The following XKR6 variants were observed in gnomAD, a reference collection of about 807,000 sequenced individuals.
XKR6 encodes the protein XK-related protein 6.
Under a neutral mutation model 56.7 loss-of-function variants are expected in XKR6, and 22 were observed. That is an observed-to-expected ratio of 0.39 (90% confidence interval 0.28 to 0.55). The LOEUF (loss-of-function observed/expected upper bound fraction) is 0.55, where lower values mean the gene tolerates loss of function less well. Among genes scored for constraint, XKR6 ranks in the 20% least tolerant of loss-of-function variants. The pLI, the probability that XKR6 is intolerant of heterozygous loss-of-function variation, is 0.66. For synonymous variants in XKR6, 524 were observed against 387.8 expected (o/e 1.35, Z -4.13); for missense variants, 852 against 889.0 (o/e 0.96, Z 0.53).
At chr8:11,170,682 G>GTAAATTTTGTAGTAC in intron 1 of XKR6, among the ~76,000 whole-genome samples, 1 of 152,272 alleles carries the variant, frequency 6.6e-6, no homozygotes, top group Admixed American at 6.5e-5. Context: ...ATCTAAGTGG[G>GTAAATTTTGTAGTAC]TAAATTTTGT....
chr8:11,191,382 T>C (rs1458978275), intron 1 of XKR6, among the ~76,000 whole-genome samples: 1 of 152,170 alleles, frequency 6.6e-6, no homozygotes, highest in African/African-American at 2.4e-5. Context: ...ACCCCACAAG[T>C]TACCTACCGA....
At chr8:11,105,890 T>C (rs922876037) in intron 1 of XKR6, 1 of 152,214 alleles carries the variant, frequency 6.6e-6, no homozygotes, top group Non-Finnish European at 1.5e-5. Flanking sequence ...CGAATACTTA[T>C]ACATTACATG....
intron 2 of XKR6, among the ~76,000 whole-genome samples, chr8:10,910,336 C>A (rs896872851): frequency 6.6e-6 from 1 of 152,096 alleles, no homozygotes; most frequent in Non-Finnish European, 1.5e-5. Context: ...AGATTTAGAT[C>A]TTCCAAAGAA....
At chr8:10,927,303 T>G (rs1418451505) in intron 1 of XKR6, among the ~76,000 whole-genome samples, 2 of 152,126 alleles carry the variant, frequency 1.3e-5, no homozygotes, top group African/African-American at 4.8e-5. Flanking sequence ...GAGAGCTGTG[T>G]GCTGAGTGGA....
chr8:11,123,626 G>C, intron 1 of XKR6: 3 of 327,668 alleles, frequency 9.2e-6, no homozygotes, highest in South Asian at 7.7e-5. Context: ...CAGAGTTTAA[G>C]ATACTTGGCT....
intron 2 of XKR6, among the ~76,000 whole-genome samples, chr8:10,901,726 G>A (rs894258694): frequency 2.0e-5 from 3 of 152,286 alleles, no homozygotes; most frequent in Non-Finnish European, 2.9e-5. Flanking sequence ...TCAGAAAAGC[G>A]TGAGTGCTGA....
At chr8:11,099,683 C>G (rs1798393950) in intron 1 of XKR6, among the ~76,000 whole-genome samples, 1 of 152,246 alleles carries the variant, frequency 6.6e-6, no homozygotes, top group South Asian at 2.1e-4. Flanking sequence ...TATTGAATTT[C>G]TAATGTGTCT....
At chr8:10,945,978 C>T (rs553946212) in intron 1 of XKR6, among the ~76,000 whole-genome samples, 7 of 152,104 alleles carry the variant, frequency 4.6e-5, no homozygotes, top group Non-Finnish European at 8.8e-5. Flanking sequence ...TCTCTAGCCC[C>T]CACGCAGTCT....
rs1210786385 is a variant in XKR6, at chr8:10,934,474, G to A, written c.765-9644C>T. Reference sequence around the variant, plus strand: ...GTGAGAGAGGGCATCCCTGTCTTGCGCCAGTTTTCAAAGGGAATGCTTCCA... The same window carrying A: ...GTGAGAGAGGGCATCCCTGTCTTGCACCAGTTTTCAAAGGGAATGCTTCCA... On this transcript the variant is annotated intron_variant, in intron 1 of 2. Transcript: ENST00000416569. Among the ~76,000 whole-genome samples, 14 of 123,034 alleles carry A rather than the reference G, an allele frequency of 1.1e-4. 1 individual carries two copies. The highest frequency in any genetic ancestry group is 2.1e-4 in the Non-Finnish European group (11 of 53,000). 80.7% of individuals were successfully genotyped at this position (123,034 alleles called of 152,430 possible). A position where few individuals can be genotyped will look rare whatever the true frequency, so the allele number is the denominator to read the frequency against.
chr8:11,030,321 A>G (rs1261186811), intron 1 of XKR6, among the ~76,000 whole-genome samples: 1 of 152,160 alleles, frequency 6.6e-6, no homozygotes, highest in African/African-American at 2.4e-5. Flanking sequence ...GGATCGTTCT[A>G]AACTGCACAG....
chr8:10,972,378 T>A (rs1802434083), intron 1 of XKR6, among the ~76,000 whole-genome samples: 3 of 152,250 alleles, frequency 2.0e-5, no homozygotes, highest in Admixed American at 1.3e-4. Flanking sequence ...GACAGATATG[T>A]GCAAGCATTC....
intron 1 of XKR6, among the ~76,000 whole-genome samples, chr8:10,974,883 G>A (rs996121948): frequency 3.9e-5 from 6 of 152,182 alleles, no homozygotes; most frequent in African/African-American, 1.4e-4. Flanking sequence ...TTCTGTAGAC[G>A]GATGATGATG....
At chr8:10,914,097 A>AGG in intron 2 of XKR6, among the ~76,000 whole-genome samples, 1 of 152,148 alleles carries the variant, frequency 6.6e-6, no homozygotes, top group African/African-American at 2.4e-5. Context: ...CTAACACCTC[A>AGG]GACTGGTTCA....
chr8:10,989,905 A>G (rs958587756), intron 1 of XKR6, among the ~76,000 whole-genome samples: 1 of 152,198 alleles, frequency 6.6e-6, no homozygotes, highest in Non-Finnish European at 1.5e-5. Context: ...CTTTTGACTG[A>G]GCTCTGTTTG....
chr8:11,175,298 G>A (rs569641145), intron 1 of XKR6: 22 of 153,080 alleles, frequency 1.4e-4, no homozygotes, highest in East Asian at 3.8e-4. Context: ...TTTGCTGCAC[G>A]TGCTTAAAAA....
intron 1 of XKR6, chr8:11,175,497 C>T (rs558249655): frequency 1.3e-5 from 2 of 153,296 alleles, no homozygotes; most frequent in South Asian, 4.1e-4. Context: ...GTTCCTAAAT[C>T]AGAAGAAGAG....
At chr8:11,067,373 G>T (rs1019941646) in intron 1 of XKR6, among the ~76,000 whole-genome samples, 1 of 152,196 alleles carries the variant, frequency 6.6e-6, no homozygotes, top group Non-Finnish European at 1.5e-5. Context: ...CCCCACCCGG[G>T]TGATCTCAAC....
chr8:10,916,329 C>A (rs1800562931), intron 2 of XKR6, among the ~76,000 whole-genome samples: 1 of 152,214 alleles, frequency 6.6e-6, no homozygotes, highest in Non-Finnish European at 1.5e-5. Context: ...AAATCACCAC[C>A]CCTTTCTGGG....
At position 11,201,361 on chromosome 8, in the gene XKR6, G is replaced by T; in HGVS notation, c.-22C>A. On this transcript the variant is annotated 5_prime_UTR_variant, in exon 1 of 3. Coordinates refer to ENST00000416569, the MANE Select transcript of XKR6 (RefSeq NM_173683.4). The stretch of plus-strand genomic sequence containing the variant: ...CCATCTTGACTCTCTTCCCAGCTCC[G>T]GAGGTTGGGGGGGAGGGACGGCGGG... 6.9e-7 allele frequency: 1 copy of T among 1,454,668 alleles called. No individual in the cohort carries two copies. Among genetic ancestry groups the T allele is most frequent in the Non-Finnish European group, 9.0e-7 (1 of 1,110,044 alleles). 90.1% of individuals were successfully genotyped at this position (1,454,668 alleles called of 1,614,324 possible).
Sources: allele counts gnomAD v4.1 joint callset (sites outside exome capture counted in the v4.1 genomes callset), GRCh38; gene constraint gnomAD v4.1.1; transcripts MANE v1.5; gene names NCBI Gene and HGNC (gene_info 2026-07-23, HGNC 2026-07-21).